TEAD1: variants seen among roughly 807,000 people sequenced by gnomAD.
The protein encoded by TEAD1 is TEA domain transcription factor 1.
Under a neutral mutation model 54.9 loss-of-function variants are expected in TEAD1, and 9 were observed. That is an observed-to-expected ratio of 0.16 (90% CI 0.10 to 0.29). The LOEUF is 0.29. TEAD1 is among the 10% of genes least tolerant of loss of function. The probability of loss-of-function intolerance (pLI) is 1.00; values close to 1 mark genes in which losing one functional copy is unlikely to be tolerated. For synonymous variants in TEAD1, 200 were observed against 187.8 expected, an observed-to-expected ratio of 1.07 and a Z score of -0.53; for missense variants, 387 against 535.9, an observed-to-expected ratio of 0.72 and a Z score of 2.74.
intron 3 of TEAD1, among the ~76,000 whole-genome samples, chr11:12,773,291 G>A (rs1322066868): frequency 2.0e-5 from 3 of 152,280 alleles, no homozygotes; most frequent in Non-Finnish European, 4.4e-5. Context: ...AAATGCCCAC[G>A]AGTGTCATTT....
intron 3 of TEAD1, among the ~76,000 whole-genome samples, chr11:12,784,606 A>G (rs1489387760): frequency 6.6e-6 from 1 of 152,192 alleles, no homozygotes; most frequent in East Asian, 1.9e-4. Flanking sequence ...TATGTTTACT[A>G]AGTGTGCTGA....
chr11:12,929,201 TC>T (rs1316209980), intron 11 of TEAD1, among the ~76,000 whole-genome samples: 4 of 39,908 alleles, frequency 1.0e-4, no homozygotes, highest in Non-Finnish European at 1.7e-4. Flanking sequence ...TGTGTGTGTG[TC>T]TGCTTTAGGG....
At chr11:12,889,697 C>G (rs571407123) in intron 9 of TEAD1, among the ~76,000 whole-genome samples, 1 of 152,250 alleles carries the variant, frequency 6.6e-6, no homozygotes, top group East Asian at 1.9e-4. Flanking sequence ...CACGTTTGCT[C>G]AACATATGAA....
At chr11:12,898,012 A>G (rs756335785) in intron 9 of TEAD1, among the ~76,000 whole-genome samples, 7 of 152,108 alleles carry the variant, frequency 4.6e-5, no homozygotes, top group Non-Finnish European at 7.4e-5. Context: ...CTAAGCTTCT[A>G]TTTCCTCATC....
intron 2 of TEAD1, among the ~76,000 whole-genome samples, chr11:12,712,486 T>A (rs1022116713): frequency 1.3e-5 from 2 of 152,234 alleles, no homozygotes; most frequent in Non-Finnish European, 2.9e-5. Context: ...TTCCCTAAAC[T>A]CTGTTGCTGC....
chr11:12,776,787 A>G (rs933110482), intron 3 of TEAD1, among the ~76,000 whole-genome samples: 5 of 124,908 alleles, frequency 4.0e-5, no homozygotes, highest in African/African-American at 1.0e-4. Flanking sequence ...TATTATTATT[A>G]TTATTATTAT....
At chr11:12,704,712 G>C (rs887684310) in intron 2 of TEAD1, among the ~76,000 whole-genome samples, 2 of 152,294 alleles carry the variant, frequency 1.3e-5, no homozygotes, top group South Asian at 2.1e-4. Flanking sequence ...TTTTATCTTT[G>C]TATCCTGCTT....
chr11:12,940,133 G>A lies in TEAD1; in HGVS notation c.*2911G>A, dbSNP rs572890327. 1 of 152,268 alleles carries A rather than the reference G, an allele frequency of 6.6e-6. No homozygotes were observed. Among genetic ancestry groups the A allele is most frequent in the East Asian group, 1.9e-4 (1 of 5,178 alleles). 9.4% of individuals were successfully genotyped at this position (152,268 alleles called of 1,614,324 possible). ...TGCAGAATGGGGCTCTGGTCTCTGG[G>A]CATTCATTTCCCTCATAGAGGCTGA... On this transcript the variant is annotated 3_prime_UTR_variant, in exon 13 of 13. Transcript: ENST00000527636.
At chr11:12,679,520 CTG>C (rs1365832845) in intron 2 of TEAD1, among the ~76,000 whole-genome samples, 2 of 152,170 alleles carry the variant, frequency 1.3e-5, no homozygotes, top group Non-Finnish European at 2.9e-5. Context: ...ATATACAACA[CTG>C]TTGTTCTTAC....
At chr11:12,769,725 T>A (rs148067054) in intron 3 of TEAD1, among the ~76,000 whole-genome samples, 1 of 152,254 alleles carries the variant, frequency 6.6e-6, no homozygotes, top group African/African-American at 2.4e-5. Context: ...TTCGGACCTC[T>A]GATTCAGGGT....
At chr11:12,698,720 A>G (rs1220166071) in intron 2 of TEAD1, among the ~76,000 whole-genome samples, 1 of 152,116 alleles carries the variant, frequency 6.6e-6, no homozygotes, top group Non-Finnish European at 1.5e-5. Context: ...TTAGAAATGC[A>G]TAATATGAGA....
chr11:12,920,157 TAAAG>T (rs1431253911), intron 10 of TEAD1, among the ~76,000 whole-genome samples: 2 of 152,182 alleles, frequency 1.3e-5, no homozygotes, highest in Non-Finnish European at 2.9e-5. Flanking sequence ...TTTTGTCAAA[TAAAG>T]GAAGGCGGTC....
chr11:12,841,538 C>A (rs1006822064), intron 3 of TEAD1, among the ~76,000 whole-genome samples: 8 of 152,226 alleles, frequency 5.3e-5, no homozygotes, highest in African/African-American at 1.9e-4. Flanking sequence ...TTCTCTCTGG[C>A]TTTTCTGAGA....
intron 2 of TEAD1, among the ~76,000 whole-genome samples, chr11:12,733,256 A>G (rs1944459510): frequency 6.6e-6 from 1 of 152,196 alleles, no homozygotes; most frequent in Non-Finnish European, 1.5e-5. Context: ...GGCCTGTTGA[A>G]TTGGATGACA....
chr11:12,734,537 A>C (rs1564922171), intron 2 of TEAD1, among the ~76,000 whole-genome samples: 1 of 152,254 alleles, frequency 6.6e-6, no homozygotes, highest in South Asian at 2.1e-4. Context: ...ACTCGCCCAG[A>C]GCAACTTCCA....
intron 3 of TEAD1, among the ~76,000 whole-genome samples, chr11:12,814,766 A>C (rs1946378214): frequency 1.4e-5 from 2 of 146,528 alleles, no homozygotes; most frequent in African/African-American, 2.6e-5. Context: ...ACCCCTGACC[A>C]TCGCAGAGCT....
chr11:12,694,185 C>G (rs1478543983), intron 2 of TEAD1, among the ~76,000 whole-genome samples: 1 of 152,134 alleles, frequency 6.6e-6, no homozygotes, highest in Non-Finnish European at 1.5e-5. Flanking sequence ...AATCCTAAAA[C>G]TAGGGGACAT....
chr11:12,880,472 T>G (rs1480882102), intron 6 of TEAD1, among the ~76,000 whole-genome samples: 1 of 152,104 alleles, frequency 6.6e-6, no homozygotes, highest in Non-Finnish European at 1.5e-5. Flanking sequence ...GCTTGACTCC[T>G]GAGGCTGCTC....
At chr11:12,809,071 T>C (rs985892452) in intron 3 of TEAD1, among the ~76,000 whole-genome samples, 6 of 152,206 alleles carry the variant, frequency 3.9e-5, no homozygotes, top group Non-Finnish European at 1.5e-5. Context: ...TCTTACTGAA[T>C]ATGGCACAAG....
Sources: allele counts gnomAD v4.1 joint callset (sites outside exome capture counted in the v4.1 genomes callset), GRCh38; gene constraint gnomAD v4.1.1; transcripts MANE v1.5; gene names NCBI Gene and HGNC (gene_info 2026-07-23, HGNC 2026-07-21).